SPSB4: variants seen among roughly 807,000 people sequenced by gnomAD.
SPSB4 encodes the protein splA/ryanodine receptor domain and SOCS box containing 4, also known as SPRY domain-containing SOCS box protein 4.
SPSB4 carries 21 observed loss-of-function variants against 20.9 expected under a neutral mutation model. That is an observed-to-expected ratio of 1.01 (90% confidence interval 0.71 to 1.45). The LOEUF (loss-of-function observed/expected upper bound fraction) is 1.45, where lower values mean the gene tolerates loss of function less well. SPSB4 is among the 40% of genes most tolerant of loss of function. The pLI, the probability that SPSB4 is intolerant of heterozygous loss-of-function variation, is 0.00. For missense variants in SPSB4, 399 were observed against 399.2 expected (o/e 1.00, Z 0.00); for synonymous variants, 207 against 183.8 (o/e 1.13, Z -1.02).
At chr3:141,100,027 C>A (rs555751099) in intron 2 of SPSB4, among the ~76,000 whole-genome samples, 1 of 152,172 alleles carries the variant, frequency 6.6e-6, no homozygotes, top group Non-Finnish European at 1.5e-5. Context: ...TCCTCTGGCT[C>A]CCCATGGCTC....
chr3:141,147,254 T>C lies in SPSB4; in HGVS notation c.807T>C (p.Tyr269=). ...SLPLPQSLKN[Y]LQYQ ...CCCTGCCTCAGTCTCTCAAAAACTA[T>C]CTGCAGTACCAGTGAGCCAAGCCTG... The change falls in exon 3 of 3, where the codon TAT becomes TAC. Residue 269 remains tyrosine, a synonymous_variant. Coordinates refer to ENST00000310546, the MANE Select transcript of SPSB4 (RefSeq NM_080862.3). The C allele has an allele frequency of 6.2e-7, 1 of 1,614,152 alleles. No individual in the cohort carries two copies. Among genetic ancestry groups the C allele is most frequent in the Non-Finnish European group, 8.5e-7 (1 of 1,180,034 alleles).
intron 1 of SPSB4, among the ~76,000 whole-genome samples, chr3:141,061,792 G>A (rs944191077): frequency 1.7e-4 from 23 of 138,964 alleles, no homozygotes; most frequent in Admixed American, 1.2e-3. Context: ...CTGGAGTGCA[G>A]TGGCACGATC....
intron 2 of SPSB4, among the ~76,000 whole-genome samples, chr3:141,134,056 C>CTTTTTTTTTTTTT (rs1222303281): frequency 3.2e-5 from 2 of 61,632 alleles, no homozygotes; most frequent in African/African-American, 7.1e-5. Context: ...TTTCTTTTTT[C>CTTTTTTTTTTTTT]TTTTTTTTTT....
At position 141,147,587 on chromosome 3, in the gene SPSB4, T is replaced by G. The variant is rs1413504469; in HGVS notation, c.*318T>G. On this transcript the variant is annotated 3_prime_UTR_variant, in exon 3 of 3. Transcript: ENST00000310546. Reference sequence around the variant, plus strand: ...GCCACCGTATTGATCAGAGAGCCTGTTTCCTTATTCAAGAGAATGAATAAA... The same window carrying G: ...GCCACCGTATTGATCAGAGAGCCTGGTTCCTTATTCAAGAGAATGAATAAA... 1 of 277,940 alleles carries G rather than the reference T, an allele frequency of 3.6e-6. No individual in the cohort carries two copies. Among genetic ancestry groups the G allele is most frequent in the African/African-American group, 2.1e-5 (1 of 47,176 alleles). 17.2% of individuals were successfully genotyped at this position (277,940 alleles called of 1,614,324 possible).
At chr3:141,094,774 C>T (rs9863248) in intron 2 of SPSB4, among the ~76,000 whole-genome samples, 1 of 134,832 alleles carries the variant, frequency 7.4e-6, no homozygotes, top group African/African-American at 2.7e-5. Flanking sequence ...CCGCCCCCCG[C>T]CCCCCGCCCC....
intron 2 of SPSB4, among the ~76,000 whole-genome samples, chr3:141,145,886 C>A (rs1359199072): frequency 2.0e-5 from 3 of 152,286 alleles, no homozygotes; most frequent in Middle Eastern, 6.8e-3. Flanking sequence ...ACCCTCCCCA[C>A]CCTTATGTGC....
At chr3:141,068,690 GCTGAGATTTAAGGC>G (rs2107780470) in intron 2 of SPSB4, among the ~76,000 whole-genome samples, 1 of 152,326 alleles carries the variant, frequency 6.6e-6, no homozygotes, top group Non-Finnish European at 1.5e-5. Flanking sequence ...TAATATGGTA[GCTGAGATTTAAGGC>G]CTGACGTTGA....
At chr3:141,099,735 T>G (rs1009523651) in intron 2 of SPSB4, among the ~76,000 whole-genome samples, 2 of 152,192 alleles carry the variant, frequency 1.3e-5, no homozygotes, top group African/African-American at 4.8e-5. Flanking sequence ...ACGTTAGTCT[T>G]GTTGGGAAGG....
intron 2 of SPSB4, among the ~76,000 whole-genome samples, chr3:141,081,310 G>A (rs1027125695): frequency 4.6e-5 from 7 of 152,174 alleles, no homozygotes; most frequent in African/African-American, 1.2e-4. Context: ...AAACCATTCC[G>A]ACCGCGGCTC....
chr3:141,145,602 G>T (rs536422384), intron 2 of SPSB4, among the ~76,000 whole-genome samples: 1 of 152,196 alleles, frequency 6.6e-6, no homozygotes, highest in East Asian at 1.9e-4. Flanking sequence ...CCACTCAACA[G>T]TTTTGTTGTA....
chr3:141,057,900 A>C (rs889389140), intron 1 of SPSB4, among the ~76,000 whole-genome samples: 2 of 152,154 alleles, frequency 1.3e-5, no homozygotes, highest in African/African-American at 4.8e-5. Context: ...CATTATTCAG[A>C]TCTCTCGTGG....
In SPSB4 at chr3:141,066,150, G is replaced by A; in HGVS notation, c.46G>A (p.Glu16Lys). The change falls in exon 2 of 3, where the codon GAG (glutamate) becomes AAG (lysine). Residue 16 changes from glutamate (E) to lysine (K), a missense_variant. Glu to Lys is a moderately conservative substitution (Grantham distance 56). Coordinates refer to ENST00000310546, the MANE Select transcript of SPSB4 (RefSeq NM_080862.3). ...GAGCCTCAAGTCAGTGGAGGTGCGA[G>A]AGCCGGCGCTGCGGCCGGCCAAGCG... ...SGSLKSVEVR[E>K]PALRPAKREL... The A allele has an allele frequency of 2.0e-6, 3 of 1,532,792 alleles. No homozygotes were observed. The highest frequency in any genetic ancestry group is 2.6e-6 in the Non-Finnish European group (3 of 1,142,274). 94.9% of individuals were successfully genotyped at this position (1,532,792 alleles called of 1,614,324 possible). A position where few individuals can be genotyped will look rare whatever the true frequency, so the allele number is the denominator to read the frequency against.
At chr3:141,079,452 C>T (rs926147545) in intron 2 of SPSB4, among the ~76,000 whole-genome samples, 2 of 152,094 alleles carry the variant, frequency 1.3e-5, no homozygotes, top group African/African-American at 2.4e-5. Flanking sequence ...GCACCCTGCC[C>T]GTAGCTACTT....
chr3:141,061,536 T>C (rs1937760888), intron 1 of SPSB4, among the ~76,000 whole-genome samples: 2 of 152,008 alleles, frequency 1.3e-5, no homozygotes, highest in South Asian at 4.1e-4. Context: ...TTTCCCCAAT[T>C]ATTAGCATCT....
intron 2 of SPSB4, among the ~76,000 whole-genome samples, chr3:141,118,127 A>C (rs962562790): frequency 3.9e-5 from 6 of 152,252 alleles, no homozygotes; most frequent in African/African-American, 1.4e-4. Flanking sequence ...CCAATGGTAC[A>C]AAAGCATTCC....
At chr3:141,127,978 C>T (rs1357498589) in intron 2 of SPSB4, among the ~76,000 whole-genome samples, 1 of 152,224 alleles carries the variant, frequency 6.6e-6, no homozygotes, top group Non-Finnish European at 1.5e-5. Flanking sequence ...ATTGGCCTGC[C>T]TGACCTCATA....
rs190306234 is a variant in SPSB4, at chr3:141,065,806, G to A, written c.-153-146G>A. 1.3e-3 allele frequency: 485 copies of A among 382,828 alleles called. 4 individuals are homozygous for A. Among genetic ancestry groups the A allele is most frequent in the African/African-American group, 9.7e-3 (458 of 47,182 alleles). 23.7% of individuals were successfully genotyped at this position (382,828 alleles called of 1,614,324 possible). A position where few individuals can be genotyped will look rare whatever the true frequency, so the allele number is the denominator to read the frequency against. On this transcript the variant is annotated intron_variant, in intron 1 of 2. Transcript: ENST00000310546. ...TTTAGAACACTGGCATATGGCAGGT[G>A]CTAGATTAGTGCCAGATATGAGTGT...
At chr3:141,065,620 C>G (rs1369996552) in intron 1 of SPSB4, among the ~76,000 whole-genome samples, 1 of 152,216 alleles carries the variant, frequency 6.6e-6, no homozygotes, top group African/African-American at 2.4e-5. Flanking sequence ...GCCAGATGAC[C>G]TTGGTTTGAA....
intron 2 of SPSB4, among the ~76,000 whole-genome samples, chr3:141,096,074 T>G (rs2311494): frequency 0.36 from 53,902 of 151,754 alleles, 11,043 homozygotes; most frequent in African/African-American, 0.55. Flanking sequence ...AAGGGACCAG[T>G]TGGGTGAGTG....
Sources: gnomAD v4.1 joint callset for allele counts (sites outside exome capture counted in the v4.1 genomes callset) on GRCh38, gnomAD v4.1.1 for gene constraint, MANE v1.5 for transcripts, NCBI Gene and HGNC (gene_info 2026-07-23, HGNC 2026-07-21) for gene names.